The following PYGO2 variants were observed in gnomAD, a reference collection of about 807,000 sequenced individuals.
PYGO2 encodes the protein pygopus family PHD finger 2.
A neutral mutation model predicts 26.7 loss-of-function variants in PYGO2; 9 were observed. The ratio of observed to expected loss-of-function variants is 0.34; its 90% CI spans 0.20 to 0.59. The LOEUF (loss-of-function observed/expected upper bound fraction) is 0.59. PYGO2 is among the 20% of genes least tolerant of loss of function. PYGO2 has a pLI of 0.84. For synonymous variants in PYGO2, 236 were observed against 219.0 expected (o/e 1.08, Z -0.68); for missense variants, 538 against 561.5 (o/e 0.96, Z 0.42).
At position 154,961,581 on chromosome 1, in the gene PYGO2, T is replaced by C; in HGVS notation, c.-5A>G. 2 of 1,252,140 alleles carry C rather than the reference T, an allele frequency of 1.6e-6. No homozygotes were observed. Among genetic ancestry groups the C allele is most frequent in the Non-Finnish European group, 2.1e-6 (2 of 963,696 alleles). 77.6% of individuals were successfully genotyped at this position (1,252,140 alleles called of 1,614,324 possible). A position where few individuals can be genotyped will look rare whatever the true frequency, so the allele number is the denominator to read the frequency against. ...GGGCGGCGCCGAGGCGGCCATGGAG[T>C]GGGGGACCCGGGTTAGCGGCAGCGG... On this transcript the variant is annotated 5_prime_UTR_variant, in exon 1 of 3. Coordinates refer to ENST00000368457, the MANE Select transcript of PYGO2 (RefSeq NM_138300.4).
chr1:154,958,262 A>G lies in PYGO2; in HGVS notation c.*517T>C, dbSNP rs1655243973. The G allele has an allele frequency of 6.5e-6, 1 of 153,252 alleles. No individual in the cohort carries two copies. The highest frequency in any genetic ancestry group is 6.5e-5 in the Admixed American group (1 of 15,364). The allele number at this position is 153,252 out of a possible 1,614,324, so 9.5% of individuals were successfully genotyped here. A position where few individuals can be genotyped will look rare whatever the true frequency, so the allele number is the denominator to read the frequency against. On this transcript the variant is annotated 3_prime_UTR_variant, in exon 3 of 3. Coordinates refer to ENST00000368457, the MANE Select transcript of PYGO2 (RefSeq NM_138300.4). ...AAAGGAGTGGGTAGAAAAAGGGGAA[A>G]ATCCCCATTTATTCCCTAAAGCTGT... is the stretch of plus-strand genomic sequence containing the variant.
Position 154,959,558 on chromosome 1 carries a change from G to C in PYGO2, c.442C>G (p.Pro148Ala), listed in dbSNP as rs781488067. The change falls in exon 3 of 3, where the codon CCC (proline) becomes GCC (alanine). Residue 148 changes from proline to alanine, a missense_variant. Physicochemically the swap from Pro to Ala is conservative, Grantham distance 27 (BLOSUM62 -1). Transcript: ENST00000368457. The surrounding 1 kb of genome is among the most constrained non-coding windows in gnomAD (Gnocchi z 4.7). The stretch of plus-strand genomic sequence containing the variant: ...GGTGGGTAGCCAGGACCCTGGGGGG[G>C]CATGTTGAAAGCAGGGCCCATAGGA... ...PNPMGPAFNM[P>A]PQGPGYPPPG... 6.8e-7 allele frequency: 1 copy of C among 1,466,948 alleles called. No homozygotes were observed. The highest frequency in any genetic ancestry group is 2.6e-5 in the Admixed American group (1 of 39,050). The allele number at this position is 1,466,948 out of a possible 1,614,324, so 90.9% of individuals were successfully genotyped here.
In PYGO2 at chr1:154,959,098, C is replaced by T; in HGVS notation, c.902G>A (p.Gly301Asp). The T allele has an allele frequency of 6.2e-7, 1 of 1,610,394 alleles. No homozygotes were observed. Among genetic ancestry groups the T allele is most frequent in the South Asian group, 1.1e-5 (1 of 90,834 alleles). Reference protein sequence around the residue: ...FPPNSSGRGGGTPDANSLAPP... With the variant: ...FPPNSSGRGGDTPDANSLAPP... The stretch of plus-strand genomic sequence containing the variant: ...TGCCAAGCTGTTGGCATCTGGAGTG[C>T]CCCCACCCCGCCCACTGCTGTTCGG... The change falls in exon 3 of 3, where the codon GGC becomes GAC. Residue 301 changes from glycine to aspartate, a missense_variant. Around this residue, in one of 4 missense-constraint regions of PYGO2, gnomAD observed 381 missense variants for 336.6 expected, o/e 1.13. Coordinates refer to ENST00000368457, the MANE Select transcript of PYGO2 (RefSeq NM_138300.4). This position sits in a 1 kb window ranked among gnomAD's most constrained non-coding sequence, Gnocchi z 4.7.
chr1:154,961,309 G>C (rs1465514682), intron 1 of PYGO2, among the ~76,000 whole-genome samples, 165 bp downstream of exon 1: 1 of 152,156 alleles, frequency 6.6e-6, no homozygotes, highest in African/African-American at 2.4e-5. Context: ...TCCTCAATGT[G>C]TGACACCTGC....
At chr1:154,961,135 C>T in intron 1 of PYGO2, 109 bp from the exon 2 acceptor site, 1 of 962,434 alleles carries the variant, frequency 1.0e-6, no homozygotes, top group Non-Finnish European at 1.6e-6. Context: ...TACATACTTG[C>T]TTATTTATTC....
chr1:154,958,092 A>C lies in PYGO2; in HGVS notation c.*687T>G, dbSNP rs1341977883. On this transcript the variant is annotated 3_prime_UTR_variant, in exon 3 of 3. Transcript: ENST00000368457. ...AGAAAGGACCAGTGACTTTGGTATG[A>C]AGAAGATACGTCCTGACAGCATCTC... is the stretch of plus-strand genomic sequence containing the variant. 2.0e-5 allele frequency: 3 copies of C among 152,742 alleles called. No homozygotes were observed. The highest frequency in any genetic ancestry group is 4.4e-5 in the Non-Finnish European group (3 of 68,034). 9.5% of individuals were successfully genotyped at this position (152,742 alleles called of 1,614,324 possible). A position where few individuals can be genotyped will look rare whatever the true frequency, so the allele number is the denominator to read the frequency against.
At position 154,961,030 on chromosome 1, in the gene PYGO2, G is replaced by A. The variant is rs1655342387; in HGVS notation, c.104-4C>T. On this transcript the variant is annotated splice_polypyrimidine_tract_variant and splice_region_variant and intron_variant, in intron 1 of 2. Transcript: ENST00000368457. ...TCTGGACTCTTCATTTGCAGACCTGGAAGAGCGGCAAAAGGAAGACGCAGA... is the reference window on the plus strand; with the variant it reads ...TCTGGACTCTTCATTTGCAGACCTGAAAGAGCGGCAAAAGGAAGACGCAGA... 1 of 1,610,836 alleles carries A rather than the reference G, an allele frequency of 6.2e-7. No homozygotes were observed. The highest frequency in any genetic ancestry group is 8.5e-7 in the Non-Finnish European group (1 of 1,178,774).
At position 154,959,302 on chromosome 1, in the gene PYGO2, C is replaced by T. The variant is rs773651572; in HGVS notation, c.698G>A (p.Gly233Glu). The T allele has an allele frequency of 6.3e-7, 1 of 1,591,240 alleles. No homozygotes were observed. Among genetic ancestry groups the T allele is most frequent in the Admixed American group, 1.8e-5 (1 of 55,326 alleles). Residue 233 changes from glycine to glutamate, a missense_variant, in exon 3 of 3, where the codon GGG becomes GAG. Coordinates refer to ENST00000368457, the MANE Select transcript of PYGO2 (RefSeq NM_138300.4). This position sits in a 1 kb window ranked among gnomAD's most constrained non-coding sequence, Gnocchi z 4.7. ...TGTGTTAGGCGGCAGGCTGGGGAGC[C>T]CCTGACCAGGTCTCTGGAGAGGAGA... ...GPSPLQRPGQ[G>E]LPSLPPNTSP...
Position 154,957,949 on chromosome 1 carries a change from AC to A in PYGO2, c.*829del. The A allele has an allele frequency of 6.5e-6, 1 of 152,904 alleles. No homozygotes were observed. The highest frequency in any genetic ancestry group is 2.1e-4 in the South Asian group (1 of 4,824). 9.5% of individuals were successfully genotyped at this position (152,904 alleles called of 1,614,324 possible). ...AACAGATGGGCTGGGGGAGGAGGGT[AC>A]CACCAAAGTCCAGACTTTCAGGACA... is the stretch of plus-strand genomic sequence containing the variant. On this transcript the variant is annotated 3_prime_UTR_variant, in exon 3 of 3. Coordinates refer to ENST00000368457, the MANE Select transcript of PYGO2 (RefSeq NM_138300.4).
chr1:154,961,493 C>G lies in PYGO2; in HGVS notation c.84G>C (p.Gly28=). The change falls in exon 1 of 3, where the codon GGG becomes GGC. Residue 28 remains glycine (G), a synonymous_variant. Coordinates refer to ENST00000368457, the MANE Select transcript of PYGO2 (RefSeq NM_138300.4). ...PAPPPAPPST[G]RKQGKAGLQM... is the part of the protein sequence containing the mutation. Reference sequence around the variant, plus strand: ...GCTCACCGGCCTTGCCCTGCTTCCTCCCGGTGCTGGGCGGCGCAGGGGGCG... The same window carrying G: ...GCTCACCGGCCTTGCCCTGCTTCCTGCCGGTGCTGGGCGGCGCAGGGGGCG... 1 of 1,483,288 alleles carries G rather than the reference C, an allele frequency of 6.7e-7. No homozygotes were observed. Among genetic ancestry groups the G allele is most frequent in the Non-Finnish European group, 8.9e-7 (1 of 1,123,906 alleles). 91.9% of individuals were successfully genotyped at this position (1,483,288 alleles called of 1,614,324 possible). A position where few individuals can be genotyped will look rare whatever the true frequency, so the allele number is the denominator to read the frequency against.
Position 154,959,050 on chromosome 1 carries a change from C to T in PYGO2, c.950G>A (p.Gly317Asp). 1 of 1,613,228 alleles carries T rather than the reference C, an allele frequency of 6.2e-7. No homozygotes were observed. The highest frequency in any genetic ancestry group is 8.5e-7 in the Non-Finnish European group (1 of 1,179,854). The change falls in exon 3 of 3, where the codon GGC becomes GAC. Residue 317 changes from glycine (G) to aspartate (D), a missense_variant. Coordinates refer to ENST00000368457, the MANE Select transcript of PYGO2 (RefSeq NM_138300.4). This position sits in a 1 kb window ranked among gnomAD's most constrained non-coding sequence, Gnocchi z 4.7. ...GCCTGGGGGAGGCTGGGGCCCGGAG[C>T]CCCCACCTGCCTTGCCAGGGGGTGC... Reference protein sequence around the residue: ...SLAPPGKAGGGSGPQPPPGLV... With the variant: ...SLAPPGKAGGDSGPQPPPGLV...
At position 154,961,753 on chromosome 1, in the gene PYGO2, C is replaced by T. The variant is rs1178263660; in HGVS notation, c.-177G>A. The T allele has an allele frequency of 5.0e-6, 2 of 403,902 alleles. No homozygotes were observed. The highest frequency in any genetic ancestry group is 8.8e-6 in the Non-Finnish European group (2 of 227,694). The allele number at this position is 403,902 out of a possible 1,614,324, so 25.0% of individuals were successfully genotyped here. On this transcript the variant is annotated 5_prime_UTR_variant, in exon 1 of 3. Coordinates refer to ENST00000368457, the MANE Select transcript of PYGO2 (RefSeq NM_138300.4). ...AACTGCGCGCTCTCTCCAGACTCGC[C>T]GCCCGCCAGCGGCGGCAGCAACCGG...
In PYGO2 at chr1:154,961,580, G is replaced by A; in HGVS notation, c.-4C>T. 1 of 1,260,208 alleles carries A rather than the reference G, an allele frequency of 7.9e-7. No individual in the cohort carries two copies. The highest frequency in any genetic ancestry group is 1.0e-6 in the Non-Finnish European group (1 of 970,536). 78.1% of individuals were successfully genotyped at this position (1,260,208 alleles called of 1,614,324 possible). ...GGGGCGGCGCCGAGGCGGCCATGGA[G>A]TGGGGGACCCGGGTTAGCGGCAGCG... On this transcript the variant is annotated 5_prime_UTR_variant, in exon 1 of 3. Coordinates refer to ENST00000368457, the MANE Select transcript of PYGO2 (RefSeq NM_138300.4).
At chr1:154,960,152 C>A (rs548403367) in intron 2 of PYGO2, among the ~76,000 whole-genome samples, 1 of 151,710 alleles carries the variant, frequency 6.6e-6, no homozygotes, top group South Asian at 2.1e-4. Flanking sequence ...GTAGTCCCAG[C>A]TACTCGGGAG....
chr1:154,959,643 G>A lies in PYGO2; in HGVS notation c.357C>T (p.Ser119=). ...GCTGGGGGCCCCCTCCACCTCCAGT[G>A]CTGTAGCCTGGGGGTACCTGGCCCG... ...GMAGQVPPGY[S]TGGGGGPQPL... The change falls in exon 3 of 3, where the codon AGC becomes AGT. Residue 119 remains serine, a synonymous_variant. Transcript: ENST00000368457. The surrounding 1 kb of genome is among the most constrained non-coding windows in gnomAD (Gnocchi z 4.7). The A allele has an allele frequency of 1.4e-6, 2 of 1,445,454 alleles. No individual in the cohort carries two copies. The highest frequency in any genetic ancestry group is 2.9e-5 in the African/African-American group (2 of 68,882). 89.5% of individuals were successfully genotyped at this position (1,445,454 alleles called of 1,614,324 possible). A position where few individuals can be genotyped will look rare whatever the true frequency, so the allele number is the denominator to read the frequency against.
At position 154,959,384 on chromosome 1, in the gene PYGO2, G is replaced by A; in HGVS notation, c.616C>T (p.Leu206=). ...CGTTGGGACAGAGAAGGTGGGCCCA[G>A]CTCTGCTCTGGGAGGCTGTCCCATG... is the stretch of plus-strand genomic sequence containing the variant. ...PTMGQPPRAE[L]GPPSLSQRFA... The change falls in exon 3 of 3, where the codon CTG becomes TTG. Residue 206 remains leucine (L), a synonymous_variant. Coordinates refer to ENST00000368457, the MANE Select transcript of PYGO2 (RefSeq NM_138300.4). The surrounding 1 kb of genome is among the most constrained non-coding windows in gnomAD (Gnocchi z 4.7). The A allele has an allele frequency of 6.2e-7, 1 of 1,606,254 alleles. No homozygotes were observed. The highest frequency in any genetic ancestry group is 8.5e-7 in the Non-Finnish European group (1 of 1,176,718).
Position 154,958,872 on chromosome 1 carries a change from G to C in PYGO2, c.1128C>G (p.Val376=). 1 of 1,614,014 alleles carries C rather than the reference G, an allele frequency of 6.2e-7. No homozygotes were observed. The highest frequency in any genetic ancestry group is 8.5e-7 in the Non-Finnish European group (1 of 1,180,038). The part of the protein sequence containing the change: ...YGLLTTEASA[V]WACDLCLKTK... The stretch of plus-strand genomic sequence containing the variant: ...TCTTGAGGCAGAGATCGCAGGCCCA[G>C]ACGGCAGAAGCTTCAGTGGTCAGCA... The change falls in exon 3 of 3, where the codon GTC becomes GTG. Residue 376 remains valine, a synonymous_variant. Coordinates refer to ENST00000368457, the MANE Select transcript of PYGO2 (RefSeq NM_138300.4).
Position 154,959,583 on chromosome 1 carries a change from A to G in PYGO2, c.417T>C (p.Asn139=). 6.9e-7 allele frequency: 1 copy of G among 1,444,244 alleles called. No individual in the cohort carries two copies. The highest frequency in any genetic ancestry group is 9.2e-7 in the Non-Finnish European group (1 of 1,092,534). 89.5% of individuals were successfully genotyped at this position (1,444,244 alleles called of 1,614,324 possible). A position where few individuals can be genotyped will look rare whatever the true frequency, so the allele number is the denominator to read the frequency against. ...LRRQPPPFPP[N]PMGPAFNMPP... Reference sequence around the variant, plus strand: ...GCATGTTGAAAGCAGGGCCCATAGGATTGGGAGGGAAGGGGGGTGGCTGTC... The same window carrying G: ...GCATGTTGAAAGCAGGGCCCATAGGGTTGGGAGGGAAGGGGGGTGGCTGTC... The change falls in exon 3 of 3, where the codon AAT becomes AAC. Residue 139 remains asparagine, a synonymous_variant. Coordinates refer to ENST00000368457, the MANE Select transcript of PYGO2 (RefSeq NM_138300.4). The surrounding 1 kb of genome is among the most constrained non-coding windows in gnomAD (Gnocchi z 4.7).
Position 154,960,091 on chromosome 1 carries a change from C to T in PYGO2, c.154-245G>A, listed in dbSNP as rs1016816671. Among the ~76,000 whole-genome samples the T allele has an allele frequency of 4.0e-5, 6 of 151,742 alleles. No homozygotes were observed. The East Asian group carries it at 5.8e-4, about 15-fold the overall frequency. ...CATCCTGGCTAACACGGTGAAACCC[C>T]GTCTCTACTAAAAATACAAAAAAAT... On this transcript the variant is annotated intron_variant, in intron 2 of 2. Coordinates refer to ENST00000368457, the MANE Select transcript of PYGO2 (RefSeq NM_138300.4).
Sources: allele counts gnomAD v4.1 joint callset (sites outside exome capture counted in the v4.1 genomes callset), GRCh38; gene constraint gnomAD v4.1.1; regional missense constraint gnomAD v4.1.1; non-coding constraint Gnocchi (gnomAD v3.1); transcripts MANE v1.5; gene names NCBI Gene and HGNC (gene_info 2026-07-23, HGNC 2026-07-21).